PMM2: variants seen among roughly 807,000 people sequenced by gnomAD.
PMM2 encodes the protein mannose-6-phosphate isomerase.
PMM2 carries 35 observed loss-of-function variants against 33.2 expected under a neutral mutation model. The observed-to-expected ratio is 1.06, with a 90% CI of 0.81 to 1.40. PMM2 has a LOEUF of 1.40. Ranked by LOEUF, PMM2 falls within the 40% of genes most tolerant of loss-of-function variation. PMM2 has a pLI of 0.00. For missense variants in PMM2, 386 were observed against 306.0 expected (o/e 1.26, Z -1.95); for synonymous variants, 153 against 114.7 (o/e 1.33, Z -2.13).
chr16:8,802,000 T>C (rs1315951728), intron 2 of PMM2, 90 bp downstream of exon 2: 24 of 889,140 alleles, frequency 2.7e-5, no homozygotes, highest in Non-Finnish European at 4.4e-5. Context: ...CCTAAAACCT[T>C]GTCCCCATAT....
At chr16:8,841,677 A>G (rs1331356906) in intron 7 of PMM2, among the ~76,000 whole-genome samples, 3 of 141,390 alleles carry the variant, frequency 2.1e-5, no homozygotes, top group Non-Finnish European at 4.7e-5. Context: ...AACCGCCATC[A>G]ATAAATCAAG....
chr16:8,832,965 C>CCCCGACCACACCACAGGCT (rs76488579), intron 7 of PMM2: 407,576 of 962,400 alleles, frequency 0.42, 87,404 homozygotes, highest in Middle Eastern at 0.45. Flanking sequence ...TGACTGGTCT[C>CCCCGACCACACCACAGGCT]CCCAGGGCAG....
intron 7 of PMM2, among the ~76,000 whole-genome samples, chr16:8,839,556 G>A (rs1008512474): frequency 2.6e-5 from 4 of 152,066 alleles, no homozygotes; most frequent in African/African-American, 4.8e-5. Flanking sequence ...GAGGGCCTGG[G>A]AGGAAGAGTC....
intron 7 of PMM2, chr16:8,832,452 C>T (rs1347345885): frequency 6.1e-6 from 6 of 985,388 alleles, no homozygotes; most frequent in Non-Finnish European, 7.2e-6. Flanking sequence ...GACACCTCCC[C>T]ACCAGCCCCC....
chr16:8,815,021 G>A lies in PMM2; in HGVS notation c.639+1915G>A, dbSNP rs537179006. ...CACCGCCCCGTCCCTGGCAACCACC[G>A]TTCTTTTCTCTGCTTATATGACTTT... On this transcript the variant is annotated intron_variant, in intron 7 of 7. Transcript: ENST00000268261. 1.0e-3 allele frequency among the ~76,000 whole-genome samples: 153 copies of A among 152,092 alleles called. 1 individual carries two copies. Among genetic ancestry groups the A allele is most frequent in the African/African-American group, 3.4e-3 (142 of 41,496 alleles).
intron 2 of PMM2, 129 bp from the exon 3 acceptor site, chr16:8,804,638 A>G: frequency 2.8e-6 from 2 of 715,800 alleles, no homozygotes; most frequent in South Asian, 3.1e-5. Flanking sequence ...CTTAGTCTGT[A>G]AGATGAGATA....
chr16:8,843,725 G>A (rs927476020), intron 7 of PMM2, among the ~76,000 whole-genome samples: 30 of 152,216 alleles, frequency 2.0e-4, no homozygotes, highest in Non-Finnish European at 4.0e-4. Context: ...TGTGGAGTTT[G>A]AGGGCCAGAT....
chr16:8,843,979 G>A (rs193117818), intron 7 of PMM2, among the ~76,000 whole-genome samples: 2,561 of 152,132 alleles, frequency 0.017, 90 homozygotes, highest in African/African-American at 0.059. Flanking sequence ...GATTTGGGAC[G>A]AGTTGCACTG....
chr16:8,815,830 T>G (rs1255386434), intron 7 of PMM2, among the ~76,000 whole-genome samples: 1 of 152,094 alleles, frequency 6.6e-6, no homozygotes, highest in Admixed American at 6.5e-5. Context: ...CTAAAAAGTG[T>G]CTGCACAGCA....
In PMM2 at chr16:8,847,796, C is replaced by G. The variant is rs142459706; in HGVS notation, c.712C>G (p.Arg238Gly). The change falls in exon 8 of 8, where the codon CGC becomes GGC. Residue 238 changes from arginine to glycine, a missense_variant. Physicochemically the swap from Arg to Gly is moderately radical, Grantham distance 125. Coordinates refer to ENST00000268261, the MANE Select transcript of PMM2 (RefSeq NM_000303.3). The stretch of plus-strand genomic sequence containing the variant: ...CTCCGTGACAGCGCCTGAGGACACG[C>G]GCAGGATCTGTGAACTGCTGTTCTC... ...GYSVTAPEDTRRICELLFS is the reference protein window; with the variant it reads ...GYSVTAPEDTGRICELLFS The G allele has an allele frequency of 1.9e-6, 3 of 1,613,632 alleles. No homozygotes were observed. Among genetic ancestry groups the G allele is most frequent in the African/African-American group, 1.3e-5 (1 of 74,924 alleles).
intron 7 of PMM2, among the ~76,000 whole-genome samples, chr16:8,831,875 T>A (rs1051353896): frequency 2.0e-5 from 3 of 152,200 alleles, no homozygotes; most frequent in Non-Finnish European, 4.4e-5. Flanking sequence ...TTGGTGCCTG[T>A]CAGGTACACT....
intron 7 of PMM2, among the ~76,000 whole-genome samples, chr16:8,825,446 A>G (rs918522196): frequency 6.6e-6 from 1 of 151,542 alleles, no homozygotes; most frequent in Admixed American, 6.6e-5. Context: ...CTGCCTCCCA[A>G]GTAGCTGGGA....
intron 7 of PMM2, chr16:8,832,484 T>TCGTGCCGTTAGGCCTC: frequency 1.0e-6 from 1 of 985,404 alleles, no homozygotes; most frequent in East Asian, 1.1e-4. Flanking sequence ...GGGAGGAGAC[T>TCGTGCCGTTAGGCCTC]CGTGCCGTTA....
intron 7 of PMM2, among the ~76,000 whole-genome samples, chr16:8,827,894 A>AT (rs2060784994): frequency 8.8e-5 from 9 of 102,832 alleles, no homozygotes; most frequent in African/African-American, 3.3e-4. Context: ...TATATGATAT[A>AT]TATGATATAT....
chr16:8,831,662 C>T (rs2060810576), intron 7 of PMM2, among the ~76,000 whole-genome samples: 1 of 152,180 alleles, frequency 6.6e-6, no homozygotes, highest in African/African-American at 2.4e-5. Flanking sequence ...TCACACTGTT[C>T]CTCTCTTTGG....
chr16:8,797,872 A>C lies in PMM2; in HGVS notation c.-11A>C. ...AACGTGTCTTGTAAGGTGCGGCTAG[A>C]AACTGGGGACATGGCAGCGCCTGGC... On this transcript the variant is annotated 5_prime_UTR_variant, in exon 1 of 8. Transcript: ENST00000268261. 6.2e-7 allele frequency: 1 copy of C among 1,611,254 alleles called. No individual in the cohort carries two copies. The highest frequency in any genetic ancestry group is 1.7e-5 in the Admixed American group (1 of 59,678).
chr16:8,816,193 C>T (rs1175726295), intron 7 of PMM2, among the ~76,000 whole-genome samples: 1 of 152,018 alleles, frequency 6.6e-6, no homozygotes, highest in African/African-American at 2.4e-5. Flanking sequence ...GTGATGCGAT[C>T]TTGGCTCACT....
At chr16:8,832,976 C>T (rs994228194) in intron 7 of PMM2, 102 of 941,534 alleles carry the variant, frequency 1.1e-4, no homozygotes, top group Non-Finnish European at 1.2e-4. Context: ...CCCAGGGCAG[C>T]TGTGATGTGG....
chr16:8,847,319 C>T (rs1264132286), intron 7 of PMM2, among the ~76,000 whole-genome samples: 1 of 151,350 alleles, frequency 6.6e-6, no homozygotes, highest in Non-Finnish European at 1.5e-5. Flanking sequence ...AGCCCTGCTC[C>T]CGGCCCTCTG....
Sources: gnomAD v4.1 joint callset for allele counts (sites outside exome capture counted in the v4.1 genomes callset) on GRCh38, gnomAD v4.1.1 for gene constraint, MANE v1.5 for transcripts, NCBI Gene and HGNC (gene_info 2026-07-23, HGNC 2026-07-21) for gene names.